Variants in RASGRP3 observed in about 807,000 individuals in gnomAD.
The protein encoded by RASGRP3 is ras guanyl-releasing protein 3.
Under a neutral mutation model 82.7 loss-of-function variants are expected in RASGRP3, and 54 were observed. The observed-to-expected ratio is 0.65, with a 90% CI of 0.52 to 0.82. The LOEUF (loss-of-function observed/expected upper bound fraction) is 0.82. Among genes scored for constraint, RASGRP3 ranks in the 40% least tolerant of loss-of-function variants. The pLI is 0.00. For synonymous variants in RASGRP3, 309 were observed against 300.5 expected (o/e 1.03, Z -0.29); for missense variants, 861 against 828.9 (o/e 1.04, Z -0.48).
At chr2:33,494,640 G>C (rs1330853767) in intron 1 of RASGRP3, among the ~76,000 whole-genome samples, 3 of 152,180 alleles carry the variant, frequency 2.0e-5, no homozygotes, top group African/African-American at 4.8e-5. Context: ...GAAAATGTTT[G>C]CCTCTAAGCA....
intron 2 of RASGRP3, among the ~76,000 whole-genome samples, chr2:33,469,189 T>TTAACAACTG (rs1666905542): frequency 6.6e-6 from 1 of 152,214 alleles, no homozygotes; most frequent in Non-Finnish European, 1.5e-5. Context: ...TAATTGTAAA[T>TTAACAACTG]GCTATTTATA....
At chr2:33,546,660 T>C (rs914177658) in intron 13 of RASGRP3, among the ~76,000 whole-genome samples, 8 of 152,170 alleles carry the variant, frequency 5.3e-5, no homozygotes, top group Non-Finnish European at 1.2e-4. Context: ...TGAGTGTTCA[T>C]TGCAGCACTA....
intron 14 of RASGRP3, among the ~76,000 whole-genome samples, chr2:33,554,575 C>G (rs1266521385): frequency 6.6e-6 from 1 of 152,018 alleles, no homozygotes; most frequent in East Asian, 1.9e-4. Flanking sequence ...TGAGTTCATG[C>G]CATTCTCCTG....
At position 33,563,582 on chromosome 2, in the gene RASGRP3, T is replaced by C. The variant is rs1036854400; in HGVS notation, c.*845T>C. 11 of 138,776 alleles carry C rather than the reference T, an allele frequency of 7.9e-5. No individual in the cohort carries two copies. The highest frequency in any genetic ancestry group is 6.3e-4 in the Admixed American group (8 of 12,664). The allele number at this position is 138,776 out of a possible 1,614,324, so 8.6% of individuals were successfully genotyped here. A position where few individuals can be genotyped will look rare whatever the true frequency, so the allele number is the denominator to read the frequency against. On this transcript the variant is annotated 3_prime_UTR_variant, in exon 18 of 18. Transcript: ENST00000403687. ...ATAGCAATTAAGAAATTAATTCAAG[T>C]TTTGACGGTTAACATTTAGCAGAAA...
chr2:33,459,938 G>T (rs1233404725), intron 2 of RASGRP3, among the ~76,000 whole-genome samples: 1 of 152,208 alleles, frequency 6.6e-6, no homozygotes, highest in Non-Finnish European at 1.5e-5. Context: ...TTGAGGCCTA[G>T]TTGAGAAGAG....
At chr2:33,506,221 G>A (rs1292301444) in intron 1 of RASGRP3, among the ~76,000 whole-genome samples, 1 of 152,160 alleles carries the variant, frequency 6.6e-6, no homozygotes. Context: ...ATGCTTACCA[G>A]CCAAACACAG....
chr2:33,508,263 T>C (rs1450374457), intron 1 of RASGRP3, among the ~76,000 whole-genome samples: 2 of 152,144 alleles, frequency 1.3e-5, no homozygotes, highest in Admixed American at 6.5e-5. Flanking sequence ...TTTCCCTTGA[T>C]CATATCAAGG....
At chr2:33,511,222 G>A (rs1336975921) in intron 1 of RASGRP3, among the ~76,000 whole-genome samples, 1 of 152,056 alleles carries the variant, frequency 6.6e-6, no homozygotes, top group East Asian at 1.9e-4. Flanking sequence ...ACCACAGCAA[G>A]TCCTAAACAA....
chr2:33,559,712 C>T (rs1676438827), intron 17 of RASGRP3: 2 of 492,596 alleles, frequency 4.1e-6, no homozygotes, highest in African/African-American at 3.9e-5. Flanking sequence ...ATATTCCTAA[C>T]ATTTAAAGCA....
intron 1 of RASGRP3, among the ~76,000 whole-genome samples, chr2:33,505,317 T>C (rs565401057): frequency 2.0e-5 from 3 of 150,630 alleles, no homozygotes; most frequent in African/African-American, 7.4e-5. Context: ...TTTTTTTTTC[T>C]TTGAGATGGA....
chr2:33,531,295 C>A (rs1329863957), intron 10 of RASGRP3, among the ~76,000 whole-genome samples: 6 of 152,116 alleles, frequency 3.9e-5, no homozygotes, highest in Non-Finnish European at 8.8e-5. Flanking sequence ...TTGACAAGAG[C>A]AAATGTTCTT....
At chr2:33,460,237 G>T (rs372588785) in intron 2 of RASGRP3, among the ~76,000 whole-genome samples, 13 of 152,128 alleles carry the variant, frequency 8.5e-5, no homozygotes, top group African/African-American at 2.9e-4. Flanking sequence ...GATTGACTTT[G>T]GAGCCAATAT....
chr2:33,489,464 G>T (rs1253090667), intron 1 of RASGRP3, among the ~76,000 whole-genome samples: 3 of 152,218 alleles, frequency 2.0e-5, no homozygotes, highest in African/African-American at 7.2e-5. Context: ...ACTCTTTGGT[G>T]TCCAAAAGAT....
In RASGRP3 at chr2:33,554,406, T is replaced by C. The variant is rs1211115774; in HGVS notation, c.1543-1125T>C. ...GCTAAGCCCATTTAATTACCCATAC[T>C]GTATGCCTCTGGTGAATCTGTCACC... On this transcript the variant is annotated intron_variant, in intron 14 of 17. Coordinates refer to ENST00000403687, the MANE Select transcript of RASGRP3 (RefSeq NM_001139488.2). Among the ~76,000 whole-genome samples the C allele has an allele frequency of 2.6e-5, 4 of 152,190 alleles. No individual in the cohort carries two copies. The South Asian group carries it at 6.2e-4, about 24-fold the overall frequency.
At chr2:33,515,283 T>C in intron 3 of RASGRP3, 77 bp downstream of exon 3, 1 of 1,494,416 alleles carries the variant, frequency 6.7e-7, no homozygotes, top group Non-Finnish European at 9.3e-7. Context: ...GCAAGTTGCT[T>C]GTAGAACAGA....
At chr2:33,557,934 T>C (rs555273599) in intron 15 of RASGRP3, among the ~76,000 whole-genome samples, 11 of 152,256 alleles carry the variant, frequency 7.2e-5, no homozygotes, top group African/African-American at 2.6e-4. Context: ...GGCTGGACTC[T>C]ATTTACTCCC....
rs375159736 is a variant in RASGRP3 at position 33,486,890 on chromosome 2, T to C, written c.-261+10183T>C. 9.9e-5 allele frequency among the ~76,000 whole-genome samples: 15 copies of C among 152,164 alleles called. 1 individual carries two copies. Among genetic ancestry groups the C allele is most frequent in the East Asian group, 3.8e-4 (2 of 5,198 alleles). On this transcript the variant is annotated intron_variant, in intron 1 of 17. Coordinates refer to ENST00000403687, the MANE Select transcript of RASGRP3 (RefSeq NM_001139488.2). ...GCAAAGATAAGGTGGTTCTGGGTGG[T>C]TAACAGTAGTGTTTGCCCTTCTGAA...
upstream of RASGRP3, among the ~76,000 whole-genome samples, chr2:33,474,549 C>G (rs1326420481): frequency 6.6e-6 from 1 of 152,196 alleles, no homozygotes; most frequent in Non-Finnish European, 1.5e-5. Context: ...GTGATTCACC[C>G]TCCTCAGCCT....
intron 11 of RASGRP3, among the ~76,000 whole-genome samples, chr2:33,536,001 C>T (rs995382151): frequency 2.6e-5 from 4 of 152,038 alleles, no homozygotes; most frequent in Non-Finnish European, 5.9e-5. Flanking sequence ...TTATTAACTC[C>T]GTTAAGAAAA....
Sources: gnomAD v4.1 joint callset for allele counts (sites outside exome capture counted in the v4.1 genomes callset) on GRCh38, gnomAD v4.1.1 for gene constraint, MANE v1.5 for transcripts, NCBI Gene and HGNC (gene_info 2026-07-23, HGNC 2026-07-21) for gene names.